Variants in SLC14A1 observed in about 807,000 individuals in gnomAD.
SLC14A1 encodes urea transporter 1.
A neutral mutation model predicts 39.6 loss-of-function variants in SLC14A1; 36 were observed. The ratio of observed to expected loss-of-function variants is 0.91; its 90% confidence interval spans 0.70 to 1.20. The LOEUF (loss-of-function observed/expected upper bound fraction) is 1.20, where lower values mean the gene tolerates loss of function less well. Ranked by LOEUF, SLC14A1 falls within the 50% of genes most tolerant of loss-of-function variation. The pLI is 0.00. For missense variants in SLC14A1, 469 were observed against 478.7 expected (o/e 0.98, Z 0.19); for synonymous variants, 164 against 173.6 (o/e 0.94, Z 0.43).
chr18:45,735,242 T>A (rs2047155192), intron 5 of SLC14A1, among the ~76,000 whole-genome samples: 1 of 152,230 alleles, frequency 6.6e-6, no homozygotes, highest in South Asian at 2.1e-4. Flanking sequence ...CCTCTCAAAC[T>A]TGAGCAATAT....
At chr18:45,728,122 G>A (rs1425034315) in intron 2 of SLC14A1, among the ~76,000 whole-genome samples, 1 of 152,132 alleles carries the variant, frequency 6.6e-6, no homozygotes, top group Non-Finnish European at 1.5e-5. Context: ...TCTATATGTT[G>A]GGCTGTCGAT....
chr18:45,727,586 G>A (rs557379786), intron 2 of SLC14A1, among the ~76,000 whole-genome samples: 5 of 152,348 alleles, frequency 3.3e-5, no homozygotes, highest in Middle Eastern at 3.4e-3. Flanking sequence ...TTGGTTTAGA[G>A]GCTAGACCAT....
At position 45,741,524 on chromosome 18, in the gene SLC14A1, A is replaced by G. The variant is rs563088960; in HGVS notation, c.946+1862A>G. ...ACTGGCAGAAAATGGGATGGTACCAACGGTTTCTAAAGACCCATTCCATTT... is the reference window on the plus strand; with the variant it reads ...ACTGGCAGAAAATGGGATGGTACCAGCGGTTTCTAAAGACCCATTCCATTT... On this transcript the variant is annotated intron_variant, in intron 8 of 9. Transcript: ENST00000321925. Among the ~76,000 whole-genome samples, 4 of 152,378 alleles carry G rather than the reference A, an allele frequency of 2.6e-5. No homozygotes were observed. The East Asian group carries it at 7.7e-4, about 29-fold the overall frequency.
chr18:45,736,854 A>T (rs867708293), intron 6 of SLC14A1, among the ~76,000 whole-genome samples: 2 of 148,350 alleles, frequency 1.3e-5, no homozygotes, highest in Non-Finnish European at 3.0e-5. Flanking sequence ...AGTCAAGCTG[A>T]TTTTTCTGCC....
Position 45,751,982 on chromosome 18 carries a change from T to C in SLC14A1, c.*2031T>C, listed in dbSNP as rs2047723562. On this transcript the variant is annotated 3_prime_UTR_variant, in exon 10 of 10. Coordinates refer to ENST00000321925, the MANE Select transcript of SLC14A1 (RefSeq NM_015865.7). ...GAATGAATAAACAGAAATAGGGAAG[T>C]AAACCTACAAATATTTTAGGGAGAA... 2 of 985,252 alleles carry C rather than the reference T, an allele frequency of 2.0e-6. No homozygotes were observed. The highest frequency in any genetic ancestry group is 9.4e-5 in the South Asian group (2 of 21,290). The allele number at this position is 985,252 out of a possible 1,614,324, so 61.0% of individuals were successfully genotyped here. A position where few individuals can be genotyped will look rare whatever the true frequency, so the allele number is the denominator to read the frequency against.
chr18:45,748,228 G>A (rs531806724), intron 8 of SLC14A1, 148 bp from the exon 9 acceptor site: 248 of 830,452 alleles, frequency 3.0e-4, no homozygotes, highest in East Asian at 1.2e-3. Flanking sequence ...ATGGAGCCAG[G>A]ATTTGAACCC....
chr18:45,739,998 A>G, intron 8 of SLC14A1: 1 of 377,222 alleles, frequency 2.7e-6, no homozygotes, highest in East Asian at 6.6e-5. Context: ...TGCATGCCAC[A>G]CATGCCTTCT....
chr18:45,750,402 T>G lies in SLC14A1; in HGVS notation c.*451T>G. On this transcript the variant is annotated 3_prime_UTR_variant, in exon 10 of 10. Coordinates refer to ENST00000321925, the MANE Select transcript of SLC14A1 (RefSeq NM_015865.7). The stretch of plus-strand genomic sequence containing the variant: ...ATCCAGAATTCTGTGATAAGCAGCT[T>G]GGCTTTTTTTTTAAATCAATGCAAG... 6 of 1,079,042 alleles carry G rather than the reference T, an allele frequency of 5.6e-6. No individual in the cohort carries two copies. Among genetic ancestry groups the G allele is most frequent in the Non-Finnish European group, 6.8e-6 (6 of 887,212 alleles). 66.8% of individuals were successfully genotyped at this position (1,079,042 alleles called of 1,614,324 possible).
chr18:45,727,066 G>T, intron 2 of SLC14A1: 1 of 538,370 alleles, frequency 1.9e-6, no homozygotes, highest in South Asian at 2.4e-5. Flanking sequence ...CTGTCTTTCT[G>T]CCCACTGAGA....
Position 45,731,114 on chromosome 18 carries a change from G to A in SLC14A1, c.251G>A (p.Gly84Glu). 1 of 1,614,146 alleles carries A rather than the reference G, an allele frequency of 6.2e-7. No homozygotes were observed. The highest frequency in any genetic ancestry group is 8.5e-7 in the Non-Finnish European group (1 of 1,180,014). The change falls in exon 4 of 10, where the codon GGA becomes GAA. Residue 84 changes from glycine to glutamate, a missense_variant. Transcript: ENST00000321925. ...NPVSGILILV[G>E]LLVQNPWWAL... ...GTCAGTGGAATCCTGATTCTGGTAG[G>A]ACTTCTTGTTCAGAACCCCTGGTGG...
intron 8 of SLC14A1, among the ~76,000 whole-genome samples, chr18:45,742,400 G>A (rs1444117109): frequency 7.1e-6 from 1 of 140,182 alleles, no homozygotes; most frequent in Admixed American, 7.6e-5. Flanking sequence ...TTGCCAGGCT[G>A]GAATGCAGTG....
intron 8 of SLC14A1, 181 bp downstream of exon 8, chr18:45,739,843 C>T: frequency 1.5e-6 from 1 of 687,694 alleles, no homozygotes; most frequent in Non-Finnish European, 2.5e-6. Context: ...AAAATCACCT[C>T]TGCCTACCTC....
chr18:45,731,477 T>C (rs1204340818), intron 4 of SLC14A1: 1 of 478,826 alleles, frequency 2.1e-6, no homozygotes, highest in Non-Finnish European at 3.8e-6. Flanking sequence ...CTGGAGAGGT[T>C]CTGAAGGGAT....
chr18:45,747,239 G>A (rs1016743237), intron 8 of SLC14A1: 2 of 152,180 alleles, frequency 1.3e-5, no homozygotes, highest in African/African-American at 2.4e-5. Context: ...AAACCTGAGG[G>A]CTTCCCTGAG....
chr18:45,730,176 A>T, intron 2 of SLC14A1, 124 bp from the exon 3 acceptor site: 2 of 1,033,082 alleles, frequency 1.9e-6, no homozygotes, highest in Non-Finnish European at 2.7e-6. Flanking sequence ...TCAGAAGGAA[A>T]ATGGTGCTCT....
chr18:45,752,197 T>C lies in SLC14A1; in HGVS notation c.*2246T>C. Reference sequence around the variant, plus strand: ...TGTTAGGGAACGTGTGAAAGAAGAATTGTGGGGAAAAAAAAGCAAGCATAA... The same window carrying C: ...TGTTAGGGAACGTGTGAAAGAAGAACTGTGGGGAAAAAAAAGCAAGCATAA... On this transcript the variant is annotated 3_prime_UTR_variant, in exon 10 of 10. Transcript: ENST00000321925. The C allele has an allele frequency of 1.0e-6, 1 of 985,226 alleles. No homozygotes were observed. The highest frequency in any genetic ancestry group is 1.2e-6 in the Non-Finnish European group (1 of 829,896). 61.0% of individuals were successfully genotyped at this position (985,226 alleles called of 1,614,324 possible).
At chr18:45,739,927 AAAAG>A (rs2047311920) in intron 8 of SLC14A1, 2 of 525,284 alleles carry the variant, frequency 3.8e-6, no homozygotes, top group Non-Finnish European at 6.9e-6. Context: ...GGAGGATAGA[AAAAG>A]AAAAATCCCA....
intron 2 of SLC14A1, chr18:45,727,233 A>G: frequency 1.3e-6 from 2 of 1,549,258 alleles, no homozygotes; most frequent in Admixed American, 2.0e-5. Context: ...GCTGATTCAC[A>G]TATTTTTGCC....
chr18:45,739,524 A>C lies in SLC14A1; in HGVS notation c.812-4A>C, dbSNP rs755446001. On this transcript the variant is annotated splice_polypyrimidine_tract_variant and splice_region_variant and intron_variant, in intron 7 of 9. Coordinates refer to ENST00000321925, the MANE Select transcript of SLC14A1 (RefSeq NM_015865.7). ...CTGAGTTCTGACCCCTCCTGTCTTA[A>C]CAGGACTCAGTCTTTCAGCCCCATT... 1.2e-6 allele frequency: 2 copies of C among 1,614,042 alleles called. No homozygotes were observed. The highest frequency in any genetic ancestry group is 2.2e-5 in the South Asian group (2 of 91,078).
Sources: allele counts gnomAD v4.1 joint callset (sites outside exome capture counted in the v4.1 genomes callset), GRCh38; gene constraint gnomAD v4.1.1; transcripts MANE v1.5; gene names NCBI Gene and HGNC (gene_info 2026-07-23, HGNC 2026-07-21).